FAM83F: variants seen among roughly 807,000 people sequenced by gnomAD.
FAM83F encodes scaffolding CK1 anchoring protein F, also known as protein FAM83F.
In FAM83F, 45 loss-of-function variants were observed where a neutral mutation model predicts 42.9. The ratio of observed to expected loss-of-function variants is 1.05; its 90% CI spans 0.83 to 1.35. The LOEUF (loss-of-function observed/expected upper bound fraction) is 1.35, where lower values mean the gene tolerates loss of function less well. FAM83F is among the 40% of genes most tolerant of loss of function. The pLI, the probability that FAM83F is intolerant of heterozygous loss-of-function variation, is 0.00. For synonymous variants in FAM83F, 306 were observed against 298.3 expected (o/e 1.03, Z -0.27); for missense variants, 617 against 695.9 (o/e 0.89, Z 1.28).
chr22:40,028,953 A>T (rs2067570745), intron 4 of FAM83F, among the ~76,000 whole-genome samples: 1 of 151,970 alleles, frequency 6.6e-6, no homozygotes, highest in Non-Finnish European at 1.5e-5. Flanking sequence ...TGGCTCTGGG[A>T]GCTGTGGGCA....
rs752114815 is a variant in FAM83F, at chr22:39,995,302, G to GCAAGGC, written c.274_279dup (p.Lys92_Ala93dup). ...CCCGCCGCCAACGCCCGGGGCAAGAGCAAGGCCAAGGCCAAGGCCCCCGCG... is the reference window on the plus strand; with the variant it reads ...CCCGCCGCCAACGCCCGGGGCAAGAGCAAGGCCAAGGCCAAGGCCAAGGCCCCCGCG... On this transcript the variant is annotated inframe_insertion, in exon 1 of 5. Transcript: ENST00000333407. The surrounding 1 kb of genome is among the most constrained non-coding windows in gnomAD (Gnocchi z 4.6). 548 of 1,537,510 alleles carry GCAAGGC rather than the reference G, an allele frequency of 3.6e-4. No homozygotes were observed. The highest frequency in any genetic ancestry group is 1.5e-3 in the African/African-American group (109 of 73,068).
At chr22:40,006,830 A>G (rs1034135934) in intron 1 of FAM83F, among the ~76,000 whole-genome samples, 33 of 152,238 alleles carry the variant, frequency 2.2e-4, no homozygotes, top group African/African-American at 7.9e-4. Context: ...TCCGTCTGCC[A>G]AGAGGGGAAC....
intron 1 of FAM83F, among the ~76,000 whole-genome samples, chr22:40,016,773 C>T (rs990957868): frequency 6.6e-5 from 10 of 152,112 alleles, no homozygotes; most frequent in Admixed American, 5.9e-4. Flanking sequence ...AAGCAATTCT[C>T]CTGCTTCAGC....
At chr22:40,017,029 A>C (rs1035427485) in intron 1 of FAM83F, among the ~76,000 whole-genome samples, 1 of 151,890 alleles carries the variant, frequency 6.6e-6, no homozygotes, top group African/African-American at 2.4e-5. Context: ...CTCAGATAAA[A>C]CTTTTTTTTG....
At position 39,995,443 on chromosome 22, in the gene FAM83F, G is replaced by A. The variant is rs951293296; in HGVS notation, c.401G>A (p.Arg134Gln). The change falls in exon 1 of 5, where the codon CGG (arginine) becomes CAG (glutamine). Residue 134 changes from arginine to glutamine, a missense_variant. Transcript: ENST00000333407. The surrounding 1 kb of genome is among the most constrained non-coding windows in gnomAD (Gnocchi z 4.6). ...ACTGGTTTCTACCGCGGCGTGAGCC[G>A]GGTCACGCTCTTCACCCACCCGCCC... The part of the protein sequence containing the change: ...TDTGFYRGVS[R>Q]VTLFTHPPKD... 37 of 1,560,292 alleles carry A rather than the reference G, an allele frequency of 2.4e-5. No individual in the cohort carries two copies. The highest frequency in any genetic ancestry group is 6.8e-5 in the African/African-American group (5 of 73,384).
intron 1 of FAM83F, among the ~76,000 whole-genome samples, chr22:40,017,230 T>TC (rs2067497320): frequency 6.8e-6 from 1 of 147,552 alleles, no homozygotes; most frequent in Non-Finnish European, 1.5e-5. Flanking sequence ...ACTTTCTTTT[T>TC]TTTTTTTTTT....
At chr22:40,028,576 A>G (rs2067568002) in intron 4 of FAM83F, among the ~76,000 whole-genome samples, 1 of 151,532 alleles carries the variant, frequency 6.6e-6, no homozygotes, top group African/African-American at 2.4e-5. Flanking sequence ...CTGCCTCGCT[A>G]CTCCCCTGCA....
At chr22:40,018,370 T>A (rs1222012116) in intron 1 of FAM83F, among the ~76,000 whole-genome samples, 2 of 152,222 alleles carry the variant, frequency 1.3e-5, no homozygotes, top group Non-Finnish European at 2.9e-5. Flanking sequence ...TTGTGCCTGC[T>A]TGTTTTTCTA....
chr22:40,025,352 G>A (rs944603647), intron 4 of FAM83F, among the ~76,000 whole-genome samples: 8 of 152,188 alleles, frequency 5.3e-5, no homozygotes, highest in South Asian at 2.1e-4. Context: ...CTGGGAAGTC[G>A]AGGCTGCAGT....
intron 1 of FAM83F, among the ~76,000 whole-genome samples, chr22:40,014,119 CTT>C (rs1166045800): frequency 1.6e-5 from 2 of 122,568 alleles, no homozygotes; most frequent in Non-Finnish European, 3.4e-5. Context: ...CCTTATGTCT[CTT>C]ATTTCTTTTC....
chr22:40,019,055 T>G, intron 1 of FAM83F, 113 bp from the exon 2 acceptor site: 2 of 1,268,970 alleles, frequency 1.6e-6, no homozygotes, highest in Non-Finnish European at 2.2e-6. Context: ...ACAGGTGGAG[T>G]TTTTGACTCT....
chr22:40,038,915 A>T lies in FAM83F; in HGVS notation c.*9350A>T, dbSNP rs377047536. On this transcript the variant is annotated 3_prime_UTR_variant, in exon 5 of 5. Transcript: ENST00000333407. ...ACCAATTAAAAACTGACCTTGGGCAACTGCTTAACCTATCTCTGCCTTACT... is the reference window on the plus strand; with the variant it reads ...ACCAATTAAAAACTGACCTTGGGCATCTGCTTAACCTATCTCTGCCTTACT... 6.6e-6 allele frequency: 1 copy of T among 152,258 alleles called. No homozygotes were observed. Among genetic ancestry groups the T allele is most frequent in the African/African-American group, 2.4e-5 (1 of 41,458 alleles). The allele number at this position is 152,258 out of a possible 1,614,324, so 9.4% of individuals were successfully genotyped here.
At position 40,031,852 on chromosome 22, in the gene FAM83F, T is replaced by G. The variant is rs937500260; in HGVS notation, c.*2287T>G. The G allele has an allele frequency of 1.3e-5, 2 of 152,306 alleles. No homozygotes were observed. Among genetic ancestry groups the G allele is most frequent in the Non-Finnish European group, 2.9e-5 (2 of 68,100 alleles). 9.4% of individuals were successfully genotyped at this position (152,306 alleles called of 1,614,324 possible). A position where few individuals can be genotyped will look rare whatever the true frequency, so the allele number is the denominator to read the frequency against. On this transcript the variant is annotated 3_prime_UTR_variant, in exon 5 of 5. Transcript: ENST00000333407. Reference sequence around the variant, plus strand: ...ACTGTAGTCCGAGATGGCAAGGATTTTGAACTCACAAAATGCAGCTCTTCA... The same window carrying G: ...ACTGTAGTCCGAGATGGCAAGGATTGTGAACTCACAAAATGCAGCTCTTCA...
intron 2 of FAM83F, 139 bp from the exon 3 acceptor site, chr22:40,019,748 T>C: frequency 1.6e-6 from 2 of 1,236,870 alleles, no homozygotes; most frequent in Non-Finnish European, 2.2e-6. Flanking sequence ...TGGAAGGCTG[T>C]AGGAAGCAGA....
chr22:40,038,992 A>G lies in FAM83F; in HGVS notation c.*9427A>G, dbSNP rs893528900. 4.6e-5 allele frequency: 7 copies of G among 152,254 alleles called. No homozygotes were observed. The highest frequency in any genetic ancestry group is 1.7e-4 in the African/African-American group (7 of 41,464). The allele number at this position is 152,254 out of a possible 1,614,324, so 9.4% of individuals were successfully genotyped here. A position where few individuals can be genotyped will look rare whatever the true frequency, so the allele number is the denominator to read the frequency against. On this transcript the variant is annotated 3_prime_UTR_variant, in exon 5 of 5. Transcript: ENST00000333407. ...GTTACTATGAGGACTGAATAAGCTC[A>G]TACATATACAATGCTTGGAGCAGAG...
At position 40,020,013 on chromosome 22, in the gene FAM83F, G is replaced by A. The variant is rs557310076; in HGVS notation, c.779+5G>A. The A allele has an allele frequency of 1.9e-6, 3 of 1,610,074 alleles. No homozygotes were observed. The Admixed American group carries it at 5.1e-5, about 27-fold the overall frequency. On this transcript the variant is annotated splice_donor_5th_base_variant and intron_variant, in intron 3 of 4. Transcript: ENST00000333407. ...AGTGGCCACTGGATCTTACAGGTGA[G>A]TTGGGCCGGATCAAAGAAGGGCCCA...
At position 40,021,870 on chromosome 22, in the gene FAM83F, A is replaced by C. The variant is rs1364705830; in HGVS notation, c.1360A>C (p.Asn454His). Reference sequence around the variant, plus strand: ...CCGAGCCAAGAGGCCTGCGGCGCCCAATGGCATGGCCAGCTCTGTCTCCAC... The same window carrying C: ...CCGAGCCAAGAGGCCTGCGGCGCCCCATGGCATGGCCAGCTCTGTCTCCAC... Reference protein sequence around the residue: ...SRRAKRPAAPNGMASSVSTET... With the variant: ...SRRAKRPAAPHGMASSVSTET... The change falls in exon 4 of 5, where the codon AAT becomes CAT. Residue 454 changes from asparagine (N) to histidine (H), a missense_variant. By Grantham distance (68) the Asn-to-His change is moderately conservative. Transcript: ENST00000333407. The surrounding 1 kb of genome is among the most constrained non-coding windows in gnomAD (Gnocchi z 8.7). 6.2e-7 allele frequency: 1 copy of C among 1,611,400 alleles called. No homozygotes were observed. The highest frequency in any genetic ancestry group is 1.7e-5 in the Admixed American group (1 of 59,930).
In FAM83F at chr22:40,042,557, C is replaced by T. The variant is rs1295029838; in HGVS notation, c.*12992C>T. On this transcript the variant is annotated 3_prime_UTR_variant, in exon 5 of 5. Transcript: ENST00000333407. The stretch of plus-strand genomic sequence containing the variant: ...GCTTCCAGGGCACCTTCTCACAGCA[C>T]TGCATCATGGTTATCTGCTTATCTG... 6.6e-6 allele frequency: 1 copy of T among 152,230 alleles called. No individual in the cohort carries two copies. The highest frequency in any genetic ancestry group is 2.4e-5 in the African/African-American group (1 of 41,440). 9.4% of individuals were successfully genotyped at this position (152,230 alleles called of 1,614,324 possible).
intron 1 of FAM83F, among the ~76,000 whole-genome samples, chr22:40,009,063 G>A (rs2067450123): frequency 2.6e-5 from 4 of 152,114 alleles, no homozygotes; most frequent in South Asian, 4.1e-4. Flanking sequence ...GCCTTATAAC[G>A]ATCCCTCATA....
Sources: allele counts gnomAD v4.1 joint callset (sites outside exome capture counted in the v4.1 genomes callset), GRCh38; gene constraint gnomAD v4.1.1; non-coding constraint Gnocchi (gnomAD v3.1); transcripts MANE v1.5; gene names NCBI Gene and HGNC (gene_info 2026-07-23, HGNC 2026-07-21).